MYRIP: variants seen among roughly 807,000 people sequenced by gnomAD.
MYRIP encodes the protein rab effector MyRIP.
MYRIP carries 49 observed loss-of-function variants against 98.0 expected under a neutral mutation model. That is an observed-to-expected ratio of 0.50 (90% confidence interval 0.40 to 0.63). The LOEUF is 0.63. Among genes scored for constraint, MYRIP ranks in the 30% least tolerant of loss-of-function variants. MYRIP has a pLI of 0.00. For synonymous variants in MYRIP, 404 were observed against 409.5 expected, an observed-to-expected ratio of 0.99 and a Z score of 0.16; for missense variants, 1,004 against 1,058.2, an observed-to-expected ratio of 0.95 and a Z score of 0.71.
chr3:40,197,823 A>G (rs1487368057), intron 10 of MYRIP, among the ~76,000 whole-genome samples: 1 of 152,208 alleles, frequency 6.6e-6, no homozygotes, highest in Non-Finnish European at 1.5e-5. Context: ...TGGGTTCCAC[A>G]TTAACTTTTC....
rs374866646 is a variant in MYRIP, at chr3:39,901,036, A to T, written c.110+110A>T. ...TAGCCCTGAGTTTGGATATACACTT[A>T]TGTTTGTCAGAATGTCCTGTCCTTT... On this transcript the variant is annotated intron_variant, in intron 2 of 16. Transcript: ENST00000302541. The T allele has an allele frequency of 1.0e-4, 75 of 730,754 alleles. 3 individuals carry two copies. In the African/African-American group the frequency reaches 1.3e-3, roughly 12 times the overall value. The allele number at this position is 730,754 out of a possible 1,614,324, so 45.3% of individuals were successfully genotyped here.
intron 2 of MYRIP, among the ~76,000 whole-genome samples, chr3:40,031,117 G>A (rs983376454): frequency 1.3e-5 from 2 of 152,088 alleles, no homozygotes; most frequent in African/African-American, 4.8e-5. Context: ...CACAGTTTTG[G>A]AGACTGGGAG....
At chr3:40,039,477 C>T (rs1056821240) in intron 2 of MYRIP, among the ~76,000 whole-genome samples, 2 of 151,886 alleles carry the variant, frequency 1.3e-5, no homozygotes, top group Non-Finnish European at 2.9e-5. Flanking sequence ...AAGACAAGGC[C>T]TAGAAAGTCC....
At chr3:39,934,638 G>A (rs1944617504) in intron 2 of MYRIP, among the ~76,000 whole-genome samples, 1 of 152,192 alleles carries the variant, frequency 6.6e-6, no homozygotes, top group African/African-American at 2.4e-5. Context: ...GAAGCTTTAA[G>A]ATGTGCACAA....
At chr3:40,153,020 G>A (rs759679834) in intron 4 of MYRIP, among the ~76,000 whole-genome samples, 1 of 151,972 alleles carries the variant, frequency 6.6e-6, no homozygotes, top group Non-Finnish European at 1.5e-5. Context: ...TTGGGAGACT[G>A]AGGTGGGAAG....
At chr3:39,996,113 A>C (rs1391092293) in intron 2 of MYRIP, among the ~76,000 whole-genome samples, 3 of 152,226 alleles carry the variant, frequency 2.0e-5, no homozygotes, top group Non-Finnish European at 4.4e-5. Flanking sequence ...GCTAGGAAGG[A>C]ACTGCATCAA....
intron 2 of MYRIP, among the ~76,000 whole-genome samples, chr3:39,993,806 T>A (rs1048741693): frequency 6.6e-6 from 1 of 152,214 alleles, no homozygotes; most frequent in Non-Finnish European, 1.5e-5. Flanking sequence ...TTCTCTGTGT[T>A]TCAGGGTCTG....
chr3:40,076,596 G>A (rs138162721), intron 3 of MYRIP, among the ~76,000 whole-genome samples: 114 of 152,324 alleles, frequency 7.5e-4, no homozygotes, highest in African/African-American at 2.7e-3. Context: ...AAGGGGAGGA[G>A]AGCATGGAGG....
chr3:40,131,626 T>C (rs944068994), intron 3 of MYRIP, among the ~76,000 whole-genome samples: 1 of 152,210 alleles, frequency 6.6e-6, no homozygotes, highest in Non-Finnish European at 1.5e-5. Context: ...ATCTTCTCCA[T>C]TTATAAAATA....
At chr3:39,915,510 G>C (rs1005401253) in intron 2 of MYRIP, among the ~76,000 whole-genome samples, 7 of 152,002 alleles carry the variant, frequency 4.6e-5, no homozygotes, top group African/African-American at 1.7e-4. Flanking sequence ...TATTTTCATG[G>C]TGAGCTTCTG....
At chr3:39,941,656 A>G (rs746284819) in intron 2 of MYRIP, among the ~76,000 whole-genome samples, 10 of 152,096 alleles carry the variant, frequency 6.6e-5, no homozygotes, top group African/African-American at 1.4e-4. Context: ...ATTAGATTAT[A>G]TTATAAAGTC....
At chr3:39,821,081 C>A (rs1941087917) in intron 1 of MYRIP, among the ~76,000 whole-genome samples, 1 of 152,150 alleles carries the variant, frequency 6.6e-6, no homozygotes, top group African/African-American at 2.4e-5. Flanking sequence ...TTTCACAAAT[C>A]TGAAAGATAG....
At chr3:40,099,595 C>G (rs539409899) in intron 3 of MYRIP, among the ~76,000 whole-genome samples, 2 of 152,304 alleles carry the variant, frequency 1.3e-5, no homozygotes, top group African/African-American at 4.8e-5. Context: ...CACACACTCT[C>G]GTGCTTTTCT....
intron 3 of MYRIP, among the ~76,000 whole-genome samples, chr3:40,130,594 A>T (rs1264601032): frequency 2.0e-5 from 3 of 151,370 alleles, no homozygotes; most frequent in Non-Finnish European, 4.4e-5. Context: ...GTTAGCCAGG[A>T]TGGTCTCAAT....
At chr3:39,965,692 A>G (rs1945422460) in intron 2 of MYRIP, among the ~76,000 whole-genome samples, 1 of 152,076 alleles carries the variant, frequency 6.6e-6, no homozygotes, top group Non-Finnish European at 1.5e-5. Context: ...TGACTTAATC[A>G]GGCTTGTTGG....
At chr3:40,190,566 C>T (rs1951179568) in intron 10 of MYRIP, 103 bp downstream of exon 10, 1 of 1,463,186 alleles carries the variant, frequency 6.8e-7, no homozygotes, top group Non-Finnish European at 9.0e-7. Flanking sequence ...AATCCGCAGA[C>T]CCAGATTCTC....
chr3:39,836,214 T>C (rs1381807035), intron 1 of MYRIP, among the ~76,000 whole-genome samples: 3 of 152,150 alleles, frequency 2.0e-5, no homozygotes, highest in African/African-American at 7.2e-5. Context: ...TCACCAACAG[T>C]GTAAAAGTGT....
intron 4 of MYRIP, among the ~76,000 whole-genome samples, chr3:40,152,276 G>A (rs1950139661): frequency 6.6e-6 from 1 of 152,214 alleles, no homozygotes; most frequent in South Asian, 2.1e-4. Flanking sequence ...GAAGGTTTAT[G>A]AATAGAATCG....
At chr3:39,962,807 AAG>A (rs1241135414) in intron 2 of MYRIP, among the ~76,000 whole-genome samples, 1 of 152,096 alleles carries the variant, frequency 6.6e-6, no homozygotes, top group African/African-American at 2.4e-5. Context: ...AGGAATGTGA[AAG>A]AAAATCTGCC....
Sources: allele counts gnomAD v4.1 joint callset (sites outside exome capture counted in the v4.1 genomes callset), GRCh38; gene constraint gnomAD v4.1.1; transcripts MANE v1.5; gene names NCBI Gene and HGNC (gene_info 2026-07-23, HGNC 2026-07-21).